VPS45: variants seen among roughly 807,000 people sequenced by gnomAD.
VPS45 encodes vacuolar protein sorting-associated protein 45.
VPS45 carries 35 observed loss-of-function variants against 75.9 expected under a neutral mutation model. The observed-to-expected ratio is 0.46, with a 90% CI of 0.35 to 0.61. The LOEUF (loss-of-function observed/expected upper bound fraction) is 0.61, where lower values mean the gene tolerates loss of function less well. Ranked by LOEUF, VPS45 falls within the 20% of genes least tolerant of loss-of-function variation. The pLI is 0.00. For missense variants in VPS45, 559 were observed against 685.9 expected, an observed-to-expected ratio of 0.81 and a Z score of 2.07; for synonymous variants, 220 against 238.2, an observed-to-expected ratio of 0.92 and a Z score of 0.70.
Position 150,067,914 on chromosome 1 carries a change from G to A in VPS45, c.57G>A (p.Gly19=). 1 of 1,614,208 alleles carries A rather than the reference G, an allele frequency of 6.2e-7. No homozygotes were observed. The change falls in exon 1 of 15, where the codon GGG becomes GGA. Residue 19 remains glycine, a synonymous_variant. Transcript: ENST00000644510. ...QYISKMIEDS[G]PGMKVLLMDK... Reference sequence around the variant, plus strand: ...TTTCCAAAATGATAGAGGACAGCGGGCCTGGTATGAAAGTACTTCTCATGG... The same window carrying A: ...TTTCCAAAATGATAGAGGACAGCGGACCTGGTATGAAAGTACTTCTCATGG...
chr1:150,100,018 G>C (rs1370415058), intron 13 of VPS45, among the ~76,000 whole-genome samples: 2 of 152,150 alleles, frequency 1.3e-5, no homozygotes, highest in Non-Finnish European at 2.9e-5. Flanking sequence ...TAGAAATAAA[G>C]TGCATCCAAA....
intron 13 of VPS45, among the ~76,000 whole-genome samples, chr1:150,106,619 C>T (rs587719668): frequency 2.0e-5 from 3 of 152,292 alleles, no homozygotes; most frequent in East Asian, 1.9e-4. Context: ...CTCTTGCTCT[C>T]GCTCTTGCTC....
intron 14 of VPS45, among the ~76,000 whole-genome samples, chr1:150,143,316 G>A (rs143947318): frequency 2.6e-5 from 4 of 152,244 alleles, no homozygotes; most frequent in East Asian, 1.9e-4. Context: ...CTTGCCAGGC[G>A]CAGTGGCTCA....
At chr1:150,114,873 C>A (rs899605167) in intron 14 of VPS45, among the ~76,000 whole-genome samples, 1 of 150,464 alleles carries the variant, frequency 6.6e-6, no homozygotes, top group Non-Finnish European at 1.5e-5. Context: ...CATGTCACCA[C>A]CCCCCAGCCT....
At chr1:150,094,152 A>G (rs940101580) in intron 13 of VPS45, among the ~76,000 whole-genome samples, 8 of 152,254 alleles carry the variant, frequency 5.3e-5, no homozygotes, top group African/African-American at 1.9e-4. Context: ...AATAATTGTC[A>G]TCTTAATCCA....
At chr1:150,082,945 TA>T (rs1655799643) in intron 10 of VPS45, 62 bp downstream of exon 10, 35 of 1,467,126 alleles carry the variant, frequency 2.4e-5, no homozygotes, top group Non-Finnish European at 3.2e-5. Flanking sequence ...GAGCAAGAGA[TA>T]AAAAGGCAAG....
At chr1:150,105,651 A>T (rs1657280895) in intron 13 of VPS45, among the ~76,000 whole-genome samples, 1 of 152,198 alleles carries the variant, frequency 6.6e-6, no homozygotes, top group Non-Finnish European at 1.5e-5. Context: ...ATGCTTATGG[A>T]TTGGAAGAAT....
intron 14 of VPS45, among the ~76,000 whole-genome samples, chr1:150,129,735 G>A (rs1471320915): frequency 1.3e-5 from 2 of 151,618 alleles, no homozygotes; most frequent in Non-Finnish European, 2.9e-5. Context: ...TGTAGTTTTA[G>A]TAGAGACAGA....
At chr1:150,129,131 T>A (rs1477926750) in intron 14 of VPS45, among the ~76,000 whole-genome samples, 1 of 152,152 alleles carries the variant, frequency 6.6e-6, no homozygotes, top group Non-Finnish European at 1.5e-5. Context: ...ATTTATTGAG[T>A]GCTGATTATG....
intron 13 of VPS45, chr1:150,109,671 T>C (rs1657530843): frequency 6.6e-6 from 1 of 152,180 alleles, no homozygotes; most frequent in African/African-American, 2.4e-5. Context: ...GTTTTGAAAA[T>C]AATTTGATCT....
At chr1:150,083,585 A>C (rs1271380891) in intron 10 of VPS45, among the ~76,000 whole-genome samples, 1 of 151,550 alleles carries the variant, frequency 6.6e-6, no homozygotes, top group Non-Finnish European at 1.5e-5. Context: ...AAATAACATC[A>C]AACAGGGAAA....
chr1:150,087,398 A>G (rs1346641664), intron 10 of VPS45, among the ~76,000 whole-genome samples: 3 of 152,222 alleles, frequency 2.0e-5, no homozygotes, highest in Admixed American at 2.0e-4. Flanking sequence ...CTTTTCTAAT[A>G]GTCACAAGGC....
At chr1:150,108,021 C>T (rs1336916687) in intron 13 of VPS45, among the ~76,000 whole-genome samples, 3 of 152,170 alleles carry the variant, frequency 2.0e-5, no homozygotes, top group Admixed American at 6.5e-5. Flanking sequence ...AACTTCACTT[C>T]TGCTCCAAAG....
intron 14 of VPS45, among the ~76,000 whole-genome samples, chr1:150,117,661 C>T (rs1258228365): frequency 6.6e-6 from 1 of 152,032 alleles, no homozygotes; most frequent in African/African-American, 2.4e-5. Context: ...GAGTTTGAGA[C>T]CAGCCTGCGC....
intron 14 of VPS45, among the ~76,000 whole-genome samples, chr1:150,117,670 G>A (rs1286691147): frequency 6.6e-5 from 10 of 151,496 alleles, no homozygotes; most frequent in South Asian, 2.1e-4. Context: ...ACCAGCCTGC[G>A]CAATGTGGCG....
At chr1:150,100,260 G>A (rs967237239) in intron 13 of VPS45, among the ~76,000 whole-genome samples, 1 of 152,050 alleles carries the variant, frequency 6.6e-6, no homozygotes, top group South Asian at 2.1e-4. Context: ...AAAATACCTA[G>A]GAATACAGCT....
intron 14 of VPS45, among the ~76,000 whole-genome samples, chr1:150,116,659 A>T (rs782023182): frequency 2.0e-5 from 3 of 152,164 alleles, no homozygotes; most frequent in African/African-American, 7.2e-5. Context: ...AGGTTTTATT[A>T]CTTGATGGTA....
At chr1:150,082,096 A>G (rs1231482366) in intron 9 of VPS45, 99 bp downstream of exon 9, 1 of 717,558 alleles carries the variant, frequency 1.4e-6, no homozygotes, top group African/African-American at 1.8e-5. Flanking sequence ...TTCTACCTTG[A>G]TTGATTTTAT....
At chr1:150,084,332 G>A (rs1171703954) in intron 10 of VPS45, among the ~76,000 whole-genome samples, 2 of 152,150 alleles carry the variant, frequency 1.3e-5, no homozygotes, top group South Asian at 2.1e-4. Context: ...TTTAGGAAAT[G>A]TAACCTAGTA....
Sources: allele counts gnomAD v4.1 joint callset (sites outside exome capture counted in the v4.1 genomes callset), GRCh38; gene constraint gnomAD v4.1.1; transcripts MANE v1.5; gene names NCBI Gene and HGNC (gene_info 2026-07-23, HGNC 2026-07-21).